Variants in GNL3L observed in about 807,000 individuals in gnomAD.
GNL3L encodes guanine nucleotide-binding protein-like 3-like protein.
A neutral mutation model predicts 42.9 loss-of-function variants in GNL3L; 4 were observed. The observed-to-expected ratio is 0.09, with a 90% CI of 0.05 to 0.21. GNL3L has a LOEUF of 0.21. GNL3L is among the 10% of genes least tolerant of loss of function. The pLI, the probability that GNL3L is intolerant of heterozygous loss-of-function variation, is 1.00. For synonymous variants in GNL3L, 159 were observed against 176.3 expected (o/e 0.90, Z 0.78); for missense variants, 412 against 481.7 (o/e 0.86, Z 1.36).
intron 16 of GNL3L, among the ~76,000 whole-genome samples, chrX:54,576,881 CT>C (rs1320344186): frequency 2.7e-4 from 30 of 111,851 alleles, no homozygotes; most frequent in Non-Finnish European, 4.9e-4. Context: ...ATCCCGCCTT[CT>C]TTTTTGTTGT....
intron 16 of GNL3L, among the ~76,000 whole-genome samples, chrX:54,619,535 T>C (rs954324410): frequency 9.0e-6 from 1 of 110,792 alleles, no homozygotes; most frequent in South Asian, 3.9e-4. Flanking sequence ...TTTTTTTAAT[T>C]TTTAAAGACA....
At chrX:54,543,655 C>A (rs945251319) in intron 7 of GNL3L, among the ~76,000 whole-genome samples, 1 of 111,137 alleles carries the variant, frequency 9.0e-6, no homozygotes, top group African/African-American at 3.3e-5. Flanking sequence ...TCAGGAGTCA[C>A]TCATGTCTAG....
At chrX:54,555,541 G>A (rs893530302) in intron 14 of GNL3L, among the ~76,000 whole-genome samples, 2 of 108,723 alleles carry the variant, frequency 1.8e-5, no homozygotes, top group African/African-American at 6.7e-5. Context: ...TGTGATCTCA[G>A]CTCACTGCAA....
At chrX:54,594,070 G>T (rs1021421181) in intron 16 of GNL3L, among the ~76,000 whole-genome samples, 5 of 111,765 alleles carry the variant, frequency 4.5e-5, no homozygotes, top group African/African-American at 1.6e-4. Context: ...AAAAGAATGT[G>T]TACTCTGCAG....
chrX:54,607,030 TTCTTTCTTTCTTTC>T (rs1926080153), intron 16 of GNL3L, among the ~76,000 whole-genome samples: 1 of 68,207 alleles, frequency 1.5e-5, no homozygotes, highest in Non-Finnish European at 2.4e-5. Context: ...CTTTCTTTCT[TTCTTTCTTTCTTTC>T]TTTCTTTCTT....
At chrX:54,585,786 T>C (rs2147517675) in intron 16 of GNL3L, among the ~76,000 whole-genome samples, 1 of 111,954 alleles carries the variant, frequency 8.9e-6, no homozygotes, top group African/African-American at 3.2e-5. Flanking sequence ...CTTTTTGGCC[T>C]CAGTTTTTTT....
chrX:54,635,754 A>G, the GNL3L span, among the ~76,000 whole-genome samples: 20 of 108,766 alleles, frequency 1.8e-4, no homozygotes, highest in South Asian at 7.8e-3. Flanking sequence ...AAAAAAATCA[A>G]TCAAACAAAC....
intron 1 of GNL3L, 102 bp from the exon 2 acceptor site, chrX:54,532,418 C>T: frequency 1.9e-6 from 1 of 514,518 alleles, no homozygotes; most frequent in Non-Finnish European, 3.4e-6. Flanking sequence ...ACGCCTTCCT[C>T]ATAATGTTCT....
the GNL3L span, among the ~76,000 whole-genome samples, chrX:54,635,744 A>AAG: frequency 1.9e-4 from 21 of 109,815 alleles, no homozygotes; most frequent in African/African-American, 6.3e-4. Context: ...TAAAAAAAAA[A>AAG]AAAAAATCAA....
rs1485445721 is a variant in GNL3L at position 54,566,009 on chromosome X, CA to C, written c.*5409del. Reference sequence around the variant, plus strand: ...CTAACTTTTATATTTTTACCAGAGACAAGGTTTCACCATGTTGGCAAGGCTG... The same window carrying C: ...CTAACTTTTATATTTTTACCAGAGACAGGTTTCACCATGTTGGCAAGGCTG... On this transcript the variant is annotated 3_prime_UTR_variant, in exon 16 of 16. Transcript: ENST00000360845. Among the ~76,000 whole-genome samples, 1 of 108,873 alleles carries C rather than the reference CA, an allele frequency of 9.2e-6. No homozygotes were observed. The highest frequency in any genetic ancestry group is 3.4e-5 in the African/African-American group (1 of 29,847). The allele number at this position is 108,873 out of a possible 115,157, so 94.5% of individuals were successfully genotyped here.
In GNL3L at chrX:54,558,675, C is replaced by T. The variant is rs569978713; in HGVS notation, c.1666+20C>T. Reference sequence around the variant, plus strand: ...GTGCAGGTGGGAGCCCCAGACCAACCCTGTGCTCTGAAAGGGGCCCACATG... The same window carrying T: ...GTGCAGGTGGGAGCCCCAGACCAACTCTGTGCTCTGAAAGGGGCCCACATG... On this transcript the variant is annotated intron_variant, in intron 15 of 15. Transcript: ENST00000360845. 684 of 1,111,155 alleles carry T rather than the reference C, an allele frequency of 6.2e-4. 6 individuals carry two copies. The South Asian group carries it at 0.012, about 20-fold the overall frequency. 91.6% of individuals were successfully genotyped at this position (1,111,155 alleles called of 1,213,427 possible).
chrX:54,586,815 G>A (rs1925789537), intron 16 of GNL3L, among the ~76,000 whole-genome samples: 1 of 111,678 alleles, frequency 9.0e-6, no homozygotes, highest in Non-Finnish European at 1.9e-5. Context: ...CCATCCAGGA[G>A]GCTGAGAGTG....
At chrX:54,602,342 A>G (rs188211674) in intron 16 of GNL3L, among the ~76,000 whole-genome samples, 23 of 111,291 alleles carry the variant, frequency 2.1e-4, no homozygotes, top group Admixed American at 5.7e-4. Flanking sequence ...ATTATGGTGA[A>G]TATCTTTTCA....
At chrX:54,599,367 A>C (rs1925975563) in intron 16 of GNL3L, among the ~76,000 whole-genome samples, 1 of 111,750 alleles carries the variant, frequency 8.9e-6, no homozygotes, top group Admixed American at 9.5e-5. Flanking sequence ...TATTTTCTTT[A>C]GGGAGAAGGA....
intron 16 of GNL3L, among the ~76,000 whole-genome samples, chrX:54,616,075 G>A (rs778230251): frequency 8.9e-6 from 1 of 112,825 alleles, no homozygotes; most frequent in South Asian, 3.6e-4. Context: ...TCTCTCTTGT[G>A]GTATCTAGCA....
At chrX:54,640,856 T>C in the GNL3L span, among the ~76,000 whole-genome samples, 3 of 112,080 alleles carry the variant, frequency 2.7e-5, no homozygotes. Context: ...AGTTTATTAT[T>C]AGTTCTGACC....
chrX:54,537,208 T>C (rs1265619787), intron 2 of GNL3L, among the ~76,000 whole-genome samples: 1 of 109,312 alleles, frequency 9.1e-6, no homozygotes, highest in Non-Finnish European at 1.9e-5. Flanking sequence ...TTTTTTTATA[T>C]AGACAAGGTC....
intron 16 of GNL3L, among the ~76,000 whole-genome samples, chrX:54,573,194 C>T (rs778307829): frequency 2.7e-5 from 3 of 111,969 alleles, no homozygotes; most frequent in East Asian, 2.9e-4. Context: ...CCAAGGCAGG[C>T]GGCTGGGAGG....
chrX:54,530,863 G>A (rs1007236634), intron 1 of GNL3L, among the ~76,000 whole-genome samples: 2 of 111,221 alleles, frequency 1.8e-5, no homozygotes, highest in Non-Finnish European at 3.8e-5. Context: ...CAGCATAGAG[G>A]AGCTTAGAAA....
Sources: allele counts gnomAD v4.1 joint callset (sites outside exome capture counted in the v4.1 genomes callset), GRCh38; gene constraint gnomAD v4.1.1; transcripts MANE v1.5; gene names NCBI Gene and HGNC (gene_info 2026-07-23, HGNC 2026-07-21).